RTCB: variants seen among roughly 807,000 people sequenced by gnomAD.
RTCB encodes the protein RNA 2',3'-cyclic phosphate and 5'-OH ligase, also known as RNA-splicing ligase RTCB.
In RTCB, 32 loss-of-function variants were observed where a neutral mutation model predicts 58.2. That is an observed-to-expected ratio of 0.55 (90% CI 0.41 to 0.74). The LOEUF (loss-of-function observed/expected upper bound fraction) is 0.74, where lower values mean the gene tolerates loss of function less well. Among genes scored for constraint, RTCB ranks in the 30% least tolerant of loss-of-function variants. RTCB has a pLI of 0.00. For synonymous variants in RTCB, 247 were observed against 218.6 expected, an observed-to-expected ratio of 1.13 and a Z score of -1.15; for missense variants, 523 against 639.0, an observed-to-expected ratio of 0.82 and a Z score of 1.96.
At chr22:32,399,043 G>A (rs573912584) in intron 6 of RTCB, among the ~76,000 whole-genome samples, 23 of 152,170 alleles carry the variant, frequency 1.5e-4, no homozygotes, top group Non-Finnish European at 2.5e-4. Flanking sequence ...GATACCATCT[G>A]TAGACTGTCA....
intron 1 of RTCB, among the ~76,000 whole-genome samples, chr22:32,409,316 C>G (rs188101229): frequency 2.6e-4 from 40 of 152,196 alleles, no homozygotes; most frequent in Non-Finnish European, 4.9e-4. Context: ...TTATTGTGCT[C>G]TAGTGGTGAC....
chr22:32,399,585 C>T lies in RTCB; in HGVS notation c.654+18G>A. On this transcript the variant is annotated intron_variant, in intron 6 of 11. Transcript: ENST00000216038. ...TATGAAAAAAAAATTAACATGTTGC[C>T]CCTCCAAAGTGAGTTACCTGAGGAA... The T allele has an allele frequency of 3.2e-6, 5 of 1,586,046 alleles. No individual in the cohort carries two copies. The highest frequency in any genetic ancestry group is 2.3e-5 in the East Asian group (1 of 44,392).
chr22:32,396,297 G>T (rs761947628), intron 7 of RTCB, 48 bp from the exon 8 acceptor site: 3 of 1,579,430 alleles, frequency 1.9e-6, no homozygotes, highest in East Asian at 2.2e-5. Context: ...TCCCTTAAAT[G>T]AACAGTTCAG....
In RTCB at chr22:32,399,591, A is replaced by G. The variant is rs200867246; in HGVS notation, c.654+12T>C. ...AAAAAAATTAACATGTTGCCCCTCC[A>G]AAGTGAGTTACCTGAGGAAGGCCTC... On this transcript the variant is annotated intron_variant, in intron 6 of 11. Transcript: ENST00000216038. The G allele has an allele frequency of 4.8e-5, 77 of 1,601,826 alleles. 2 individuals carry two copies. Among genetic ancestry groups the G allele is most frequent in the Middle Eastern group, 1.7e-4 (1 of 6,010 alleles).
chr22:32,401,369 C>T (rs573180002), intron 5 of RTCB, among the ~76,000 whole-genome samples: 1 of 151,940 alleles, frequency 6.6e-6, no homozygotes, highest in African/African-American at 2.4e-5. Flanking sequence ...ATTCTGTAAA[C>T]CCAACCACAC....
rs1287879563 is a variant in RTCB, at chr22:32,399,882, G to A, written c.498-123C>T. ...TACTATCTCCTGTGTTCCAAGCCTTGAGTCAGATACAAAGTTTAAGCTCTC... is the reference window on the plus strand; with the variant it reads ...TACTATCTCCTGTGTTCCAAGCCTTAAGTCAGATACAAAGTTTAAGCTCTC... On this transcript the variant is annotated intron_variant, in intron 5 of 11. Transcript: ENST00000216038. 5.8e-6 allele frequency: 5 copies of A among 866,412 alleles called. No individual in the cohort carries two copies. In the East Asian group the frequency reaches 7.6e-5, roughly 13 times the overall value. 53.7% of individuals were successfully genotyped at this position (866,412 alleles called of 1,614,324 possible).
intron 8 of RTCB, 28 bp from the exon 9 acceptor site, chr22:32,395,242 A>C: frequency 6.2e-7 from 1 of 1,602,172 alleles, no homozygotes; most frequent in Non-Finnish European, 8.5e-7. Flanking sequence ...AGATAAAAGC[A>C]GCCAGAACTT....
chr22:32,387,597 T>C lies in RTCB; in HGVS notation c.*395A>G, dbSNP rs1205992055. On this transcript the variant is annotated 3_prime_UTR_variant, in exon 12 of 12. Transcript: ENST00000216038. ...GACGAAAGGAAACATTCCAAAACCT[T>C]ATTGAACAGAACTTTCTTCATGACA... 6.9e-5 allele frequency: 13 copies of C among 188,946 alleles called. No homozygotes were observed. The East Asian group carries it at 1.8e-3, about 26-fold the overall frequency. 11.7% of individuals were successfully genotyped at this position (188,946 alleles called of 1,614,324 possible). A position where few individuals can be genotyped will look rare whatever the true frequency, so the allele number is the denominator to read the frequency against.
At position 32,405,698 on chromosome 22, in the gene RTCB, A is replaced by G. The variant is rs944182871; in HGVS notation, c.340+964T>C. On this transcript the variant is annotated intron_variant, in intron 4 of 11. Transcript: ENST00000216038. ...GCAGATTTTCTGTGCCTTCAAACAG[A>G]TTTAAGAAAAAATTTTTTACCCAGC... Among the ~76,000 whole-genome samples the G allele has an allele frequency of 3.1e-4, 47 of 152,308 alleles. 1 individual carries two copies. Among genetic ancestry groups the G allele is most frequent in the Admixed American group, 2.0e-3 (31 of 15,296 alleles).
intron 1 of RTCB, among the ~76,000 whole-genome samples, chr22:32,411,651 T>C (rs1454989308): frequency 1.3e-5 from 2 of 152,194 alleles, no homozygotes; most frequent in African/African-American, 4.8e-5. Flanking sequence ...GTTATTTAAA[T>C]AACCAGCATG....
chr22:32,391,119 C>T (rs561469823), intron 11 of RTCB, among the ~76,000 whole-genome samples: 2 of 152,244 alleles, frequency 1.3e-5, no homozygotes, highest in East Asian at 3.9e-4. Context: ...AGACTTTGTT[C>T]TAATTACTAT....
Position 32,392,355 on chromosome 22 carries a change from C to G in RTCB, c.1295G>C (p.Arg432Pro). Reference sequence around the variant, plus strand: ...TCGAGATTTTGCTCGGGACAATGCACGGCCCTAGAATGGGAAAGGAATGAA... The same window carrying G: ...TCGAGATTTTGCTCGGGACAATGCAGGGCCCTAGAATGGGAAAGGAATGAA... ...TFGTTCHGAGRALSRAKSRRN... is the reference protein window; with the variant it reads ...TFGTTCHGAGPALSRAKSRRN... Residue 432 changes from arginine (R) to proline (P), a missense_variant, in exon 11 of 12, where the codon CGT becomes CCT. Arg to Pro is a moderately radical substitution (Grantham distance 103). This residue lies in a region of RTCB where 248 missense variants were observed against 292.5 expected (regional missense o/e 0.85). Transcript: ENST00000216038. 6.2e-7 allele frequency: 1 copy of G among 1,613,638 alleles called. No homozygotes were observed. Among genetic ancestry groups the G allele is most frequent in the South Asian group, 1.1e-5 (1 of 91,002 alleles).
At chr22:32,388,148 C>G (rs745481981) in intron 11 of RTCB, 49 bp from the exon 12 acceptor site, 2 of 1,134,296 alleles carry the variant, frequency 1.8e-6, no homozygotes, top group African/African-American at 3.1e-5. Flanking sequence ...AAAACACAGT[C>G]TTTACAAGCA....
At chr22:32,398,268 T>C (rs1933278622) in intron 6 of RTCB, among the ~76,000 whole-genome samples, 168 bp from the exon 7 acceptor site, 1 of 152,222 alleles carries the variant, frequency 6.6e-6, no homozygotes, top group South Asian at 2.1e-4. Context: ...TACAATATTC[T>C]ACACAACAAA....
chr22:32,392,627 C>A, intron 10 of RTCB: 2 of 550,406 alleles, frequency 3.6e-6, no homozygotes, highest in Non-Finnish European at 6.6e-6. Flanking sequence ...ATGCCAATAG[C>A]AACTCCCACT....
intron 6 of RTCB, among the ~76,000 whole-genome samples, chr22:32,398,319 T>G (rs754348316): frequency 6.6e-6 from 1 of 152,174 alleles, no homozygotes; most frequent in Non-Finnish European, 1.5e-5. Flanking sequence ...TATCATTATA[T>G]GCTTGGTATA....
rs1450013622 is a variant in RTCB at position 32,387,834 on chromosome 22, G to A, written c.*158C>T. On this transcript the variant is annotated 3_prime_UTR_variant, in exon 12 of 12. Coordinates refer to ENST00000216038, the MANE Select transcript of RTCB (RefSeq NM_014306.5). ...GGTTATTTTACAAGCACGGGCCCCT[G>A]AAAGCAGCAGCCTCCCCATCAGCCA... is the stretch of plus-strand genomic sequence containing the variant. The A allele has an allele frequency of 1.8e-6, 1 of 562,418 alleles. No individual in the cohort carries two copies. The highest frequency in any genetic ancestry group is 1.9e-5 in the African/African-American group (1 of 53,542). The allele number at this position is 562,418 out of a possible 1,614,324, so 34.8% of individuals were successfully genotyped here. A position where few individuals can be genotyped will look rare whatever the true frequency, so the allele number is the denominator to read the frequency against.
At chr22:32,403,233 C>T (rs528894709) in intron 4 of RTCB, among the ~76,000 whole-genome samples, 73 of 152,024 alleles carry the variant, frequency 4.8e-4, no homozygotes, top group Admixed American at 1.0e-3. Flanking sequence ...AGTGAAACCC[C>T]GTCTCTACTA....
intron 2 of RTCB, 92 bp downstream of exon 2, chr22:32,408,663 A>G: frequency 1.1e-6 from 1 of 923,436 alleles, no homozygotes; most frequent in Non-Finnish European, 1.8e-6. Context: ...CCTTGACAAT[A>G]TTTCAGAATT....
Sources: allele counts gnomAD v4.1 joint callset (sites outside exome capture counted in the v4.1 genomes callset), GRCh38; gene constraint gnomAD v4.1.1; regional missense constraint gnomAD v4.1.1; transcripts MANE v1.5; gene names NCBI Gene and HGNC (gene_info 2026-07-23, HGNC 2026-07-21).